MTMR12: variants seen among roughly 807,000 people sequenced by gnomAD.
MTMR12 encodes myotubularin related protein 12, also known as myotubularin-related protein 12.
A neutral mutation model predicts 96.7 loss-of-function variants in MTMR12; 33 were observed. That is an observed-to-expected ratio of 0.34 (90% CI 0.26 to 0.46). The LOEUF (loss-of-function observed/expected upper bound fraction) is 0.46, where lower values mean the gene tolerates loss of function less well. Among genes scored for constraint, MTMR12 ranks in the 20% least tolerant of loss-of-function variants. The pLI is 1.00. For missense variants in MTMR12, 721 were observed against 896.1 expected, an observed-to-expected ratio of 0.80 and a Z score of 2.49; for synonymous variants, 298 against 327.2, an observed-to-expected ratio of 0.91 and a Z score of 0.96.
At chr5:32,246,168 C>G (rs1411546453) in intron 10 of MTMR12, among the ~76,000 whole-genome samples, 1 of 86,670 alleles carries the variant, frequency 1.2e-5, no homozygotes, top group Non-Finnish European at 2.4e-5. Flanking sequence ...ATTGAGTAGA[C>G]AGTTTTTTTT....
chr5:32,291,647 T>G (rs1750740783), intron 1 of MTMR12, among the ~76,000 whole-genome samples: 1 of 152,174 alleles, frequency 6.6e-6, no homozygotes, highest in Non-Finnish European at 1.5e-5. Flanking sequence ...ACCTCTGTCA[T>G]CACACAATGG....
At chr5:32,307,263 G>C (rs1451090642) in intron 1 of MTMR12, among the ~76,000 whole-genome samples, 1 of 151,914 alleles carries the variant, frequency 6.6e-6, no homozygotes, top group African/African-American at 2.4e-5. Context: ...AATTCAAACA[G>C]GTGTTTTATT....
At chr5:32,299,105 C>T (rs1355147346) in intron 1 of MTMR12, among the ~76,000 whole-genome samples, 1 of 151,996 alleles carries the variant, frequency 6.6e-6, no homozygotes, top group Non-Finnish European at 1.5e-5. Context: ...ACACACATAC[C>T]TGCAGCTTCT....
intron 1 of MTMR12, among the ~76,000 whole-genome samples, chr5:32,299,740 C>G (rs1290682748): frequency 6.6e-6 from 1 of 152,204 alleles, no homozygotes; most frequent in Non-Finnish European, 1.5e-5. Flanking sequence ...CAGGTCCGAG[C>G]AGCGACCCTT....
At chr5:32,244,302 A>G (rs1398550342) in intron 10 of MTMR12, among the ~76,000 whole-genome samples, 1 of 151,946 alleles carries the variant, frequency 6.6e-6, no homozygotes, top group Non-Finnish European at 1.5e-5. Flanking sequence ...GAAAAAAAAA[A>G]AAAAAGGCCA....
rs191573775 is a variant in MTMR12 at position 32,300,041 on chromosome 5, G to C, written c.81+12717C>G. ...GGCATGCCTCCCTCATAAGTAGGCA[G>C]CTCCGACCTCTGTGCAGAGAACTCT... On this transcript the variant is annotated intron_variant, in intron 1 of 15. Coordinates refer to ENST00000382142, the MANE Select transcript of MTMR12 (RefSeq NM_001040446.3). 4.9e-4 allele frequency among the ~76,000 whole-genome samples: 75 copies of C among 152,336 alleles called. 1 individual carries two copies. The highest frequency in any genetic ancestry group is 1.7e-3 in the African/African-American group (71 of 41,588).
chr5:32,283,851 G>T lies in MTMR12; in HGVS notation c.82-7109C>A, dbSNP rs1750406635. On this transcript the variant is annotated intron_variant, in intron 1 of 15. Coordinates refer to ENST00000382142, the MANE Select transcript of MTMR12 (RefSeq NM_001040446.3). ...TGAGGCTCCTCAACACCTACTGAAAGTGTTACCTCTTATGACTCACTCCAC... is the reference window on the plus strand; with the variant it reads ...TGAGGCTCCTCAACACCTACTGAAATTGTTACCTCTTATGACTCACTCCAC... Among the ~76,000 whole-genome samples, 5 of 152,162 alleles carry T rather than the reference G, an allele frequency of 3.3e-5. 1 individual carries two copies. The South Asian group carries it at 1.0e-3, about 31-fold the overall frequency.
At chr5:32,236,182 G>T (rs1477926602) in intron 13 of MTMR12, among the ~76,000 whole-genome samples, 1 of 152,110 alleles carries the variant, frequency 6.6e-6, no homozygotes, top group Admixed American at 6.6e-5. Flanking sequence ...CAGCAGATCA[G>T]GTCTCTTCTT....
chr5:32,248,873 C>G lies in MTMR12; in HGVS notation c.795G>C (p.Trp265Cys). 1 of 1,612,498 alleles carries G rather than the reference C, an allele frequency of 6.2e-7. No homozygotes were observed. The highest frequency in any genetic ancestry group is 8.5e-7 in the Non-Finnish European group (1 of 1,178,528). The change falls in exon 9 of 16, where the codon TGG becomes TGC. Residue 265 changes from tryptophan (W) to cysteine (C), a missense_variant. Trp to Cys is a radical substitution (Grantham distance 215, BLOSUM62 -2). Transcript: ENST00000382142. Reference sequence around the variant, plus strand: ...CACTTCCATTGTGGCAGGACCAACACCATATCTGTAGAAACAAATAAAGCT... The same window carrying G: ...CACTTCCATTGTGGCAGGACCAACAGCATATCTGTAGAAACAAATAAAGCT... ...QRFQGHGIPI[W>C]CWSCHNGSAL...
At chr5:32,277,875 A>T (rs1425777075) in intron 1 of MTMR12, among the ~76,000 whole-genome samples, 2 of 152,174 alleles carry the variant, frequency 1.3e-5, no homozygotes, top group Non-Finnish European at 2.9e-5. Flanking sequence ...GTCAGTATTG[A>T]TCCAGCTAAT....
At chr5:32,280,877 A>T (rs1221997807) in intron 1 of MTMR12, among the ~76,000 whole-genome samples, 1 of 152,106 alleles carries the variant, frequency 6.6e-6, no homozygotes, top group African/African-American at 2.4e-5. Flanking sequence ...GTAATTTGTT[A>T]TAGTTGTTGG....
intron 1 of MTMR12, among the ~76,000 whole-genome samples, chr5:32,294,028 C>A (rs760392721): frequency 6.6e-6 from 1 of 152,168 alleles, no homozygotes; most frequent in South Asian, 2.1e-4. Context: ...TTCCTGTTGT[C>A]GCTCTGACTT....
chr5:32,267,009 G>T (rs947468448), intron 6 of MTMR12, among the ~76,000 whole-genome samples: 1 of 152,078 alleles, frequency 6.6e-6, no homozygotes, highest in African/African-American at 2.4e-5. Context: ...GAACCTGGGA[G>T]GCAGAAGTTG....
chr5:32,284,387 T>C (rs1401240665), intron 1 of MTMR12, among the ~76,000 whole-genome samples: 1 of 149,902 alleles, frequency 6.7e-6, no homozygotes, highest in Non-Finnish European at 1.5e-5. Context: ...ATGGATGGCA[T>C]CACCAAATGC....
intron 2 of MTMR12, among the ~76,000 whole-genome samples, chr5:32,275,576 G>C (rs966005427): frequency 6.6e-5 from 10 of 152,188 alleles, no homozygotes; most frequent in African/African-American, 2.4e-4. Flanking sequence ...GTTTATACCA[G>C]ATCACAGAGT....
intron 8 of MTMR12, among the ~76,000 whole-genome samples, chr5:32,251,460 T>A (rs371028534): frequency 1.3e-5 from 2 of 151,978 alleles, no homozygotes; most frequent in African/African-American, 4.8e-5. Context: ...TAAAAGACAA[T>A]GTCATCAGAG....
At chr5:32,237,836 T>C (rs116077593) in intron 13 of MTMR12, among the ~76,000 whole-genome samples, 3,561 of 152,044 alleles carry the variant, frequency 0.023, 56 homozygotes, top group African/African-American at 0.032. Context: ...AAAAGGTTTA[T>C]GTGCAAGGAA....
intron 1 of MTMR12, among the ~76,000 whole-genome samples, chr5:32,306,637 T>A (rs1157078998): frequency 6.6e-6 from 1 of 152,190 alleles, no homozygotes; most frequent in African/African-American, 2.4e-5. Context: ...AAACCTTTCC[T>A]GAGCTCATGT....
At chr5:32,258,532 C>A (rs1346660386) in intron 7 of MTMR12, among the ~76,000 whole-genome samples, 1 of 152,176 alleles carries the variant, frequency 6.6e-6, no homozygotes, top group Non-Finnish European at 1.5e-5. Context: ...TCCAGAAGAT[C>A]CTGCTACTCA....
Sources: allele counts gnomAD v4.1 joint callset (sites outside exome capture counted in the v4.1 genomes callset), GRCh38; gene constraint gnomAD v4.1.1; transcripts MANE v1.5; gene names NCBI Gene and HGNC (gene_info 2026-07-23, HGNC 2026-07-21).